The following PRELID2 variants were observed in gnomAD, a reference collection of about 807,000 sequenced individuals.
PRELID2 encodes the protein PRELI domain-containing protein 2.
A neutral mutation model predicts 28.4 loss-of-function variants in PRELID2; 25 were observed. That is an observed-to-expected ratio of 0.88 (90% CI 0.64 to 1.23). The LOEUF (loss-of-function observed/expected upper bound fraction) is 1.23, where lower values mean the gene tolerates loss of function less well. Among genes scored for constraint, PRELID2 ranks in the 50% most tolerant of loss-of-function variants. The pLI, the probability that PRELID2 is intolerant of heterozygous loss-of-function variation, is 0.00. For synonymous variants in PRELID2, 76 were observed against 71.6 expected, an observed-to-expected ratio of 1.06 and a Z score of -0.31; for missense variants, 201 against 214.4, an observed-to-expected ratio of 0.94 and a Z score of 0.39.
downstream of PRELID2, among the ~76,000 whole-genome samples, chr5:145,754,003 C>T (rs1328214003): frequency 6.6e-6 from 1 of 152,138 alleles, no homozygotes; most frequent in African/African-American, 2.4e-5. Flanking sequence ...CAGCATGCTA[C>T]CCTCCTGCCC....
intron 1 of PRELID2, among the ~76,000 whole-genome samples, chr5:145,677,152 GTTTTTTTTTTT>G (rs756255750): frequency 8.1e-6 from 1 of 124,046 alleles, no homozygotes; most frequent in Admixed American, 8.1e-5. Context: ...TTTGGTTTTG[GTTTTTTTTTTT>G]TTTTTTTTTG....
chr5:145,705,422 G>A (rs543084652), intron 1 of PRELID2, among the ~76,000 whole-genome samples: 7 of 151,674 alleles, frequency 4.6e-5, no homozygotes, highest in Admixed American at 1.3e-4. Context: ...CAGGCTGGTC[G>A]TGAACTCCTG....
the PRELID2 span, among the ~76,000 whole-genome samples, chr5:145,413,438 T>A: frequency 6.6e-6 from 1 of 152,204 alleles, no homozygotes. Flanking sequence ...CTTGAAGAAC[T>A]AAAAGTAGAA....
chr5:145,605,950 AT>A (rs911882369), intron 1 of PRELID2, among the ~76,000 whole-genome samples: 1 of 151,772 alleles, frequency 6.6e-6, no homozygotes, highest in Non-Finnish European at 1.5e-5. Flanking sequence ...ATTTCAGCAG[AT>A]TTTTTTAATT....
the PRELID2 span, among the ~76,000 whole-genome samples, chr5:145,347,423 T>C: frequency 1.3e-5 from 2 of 152,156 alleles, no homozygotes; most frequent in Non-Finnish European, 2.9e-5. Context: ...TTATATGGCC[T>C]TTTAGAGACC....
intron 1 of PRELID2, among the ~76,000 whole-genome samples, chr5:145,669,713 C>G (rs767686479): frequency 6.6e-6 from 1 of 152,166 alleles, no homozygotes; most frequent in Non-Finnish European, 1.5e-5. Context: ...CCTATCTCTC[C>G]AGTAGCCTCT....
At chr5:145,288,547 A>C in the PRELID2 span, among the ~76,000 whole-genome samples, 1 of 152,108 alleles carries the variant, frequency 6.6e-6, no homozygotes, top group African/African-American at 2.4e-5. Context: ...AAAGAGCCCT[A>C]AGTCATTTTA....
At chr5:145,265,099 C>T in the PRELID2 span, among the ~76,000 whole-genome samples, 2 of 150,904 alleles carry the variant, frequency 1.3e-5, no homozygotes, top group Non-Finnish European at 2.9e-5. Flanking sequence ...TAAATTAACT[C>T]AGCAAAATTT....
intron 1 of PRELID2, among the ~76,000 whole-genome samples, chr5:145,522,416 C>CGAGAGAGA: frequency 6.7e-6 from 1 of 149,804 alleles, no homozygotes; most frequent in Middle Eastern, 3.4e-3. Flanking sequence ...CACACACACA[C>CGAGAGAGA]GAGAGAGAGA....
rs1204065127 is a variant in PRELID2, at chr5:145,757,298, T to C, written c.*3238A>G. On this transcript the variant is annotated 3_prime_UTR_variant, in exon 7 of 7. Coordinates refer to ENST00000683046, the MANE Select transcript of PRELID2 (RefSeq NM_205846.3). ...TCCTGGTAAAAGCACCTCAGTCATA[T>C]AGGGATAGTTCAAGTCAGCTTCTCT... Among the ~76,000 whole-genome samples, 1 of 152,186 alleles carries C rather than the reference T, an allele frequency of 6.6e-6. No homozygotes were observed. The highest frequency in any genetic ancestry group is 1.9e-4 in the East Asian group (1 of 5,194).
At chr5:145,335,700 G>A in the PRELID2 span, among the ~76,000 whole-genome samples, 1 of 152,208 alleles carries the variant, frequency 6.6e-6, no homozygotes, top group Non-Finnish European at 1.5e-5. Flanking sequence ...AGCAAAAGCA[G>A]TTCTAAGAGG....
At chr5:145,530,101 G>T (rs1311454459) in intron 1 of PRELID2, among the ~76,000 whole-genome samples, 1 of 152,040 alleles carries the variant, frequency 6.6e-6, no homozygotes, top group African/African-American at 2.4e-5. Context: ...TGTTTTTCAG[G>T]TGAGAAAGCC....
At chr5:145,487,042 G>A (rs1752223984) in intron 1 of PRELID2, among the ~76,000 whole-genome samples, 1 of 140,954 alleles carries the variant, frequency 7.1e-6, no homozygotes, top group African/African-American at 2.6e-5. Context: ...ATTGAACAAT[G>A]AGATCACATG....
At chr5:145,419,830 C>T in the PRELID2 span, among the ~76,000 whole-genome samples, 41 of 151,964 alleles carry the variant, frequency 2.7e-4, no homozygotes, top group South Asian at 3.5e-3. Context: ...AATGGTAATG[C>T]CTAGGTTTTC....
chr5:145,379,101 C>G, the PRELID2 span, among the ~76,000 whole-genome samples: 1 of 152,140 alleles, frequency 6.6e-6, no homozygotes, highest in Admixed American at 6.5e-5. Context: ...AATGCACAGC[C>G]CCCAACTCCT....
chr5:145,304,961 A>G, the PRELID2 span, among the ~76,000 whole-genome samples: 11 of 152,220 alleles, frequency 7.2e-5, no homozygotes, highest in Non-Finnish European at 1.3e-4. Context: ...TAAATGAGTA[A>G]GAAAGTACTA....
intron 1 of PRELID2, among the ~76,000 whole-genome samples, chr5:145,500,493 A>G (rs1752350370): frequency 6.6e-6 from 1 of 152,078 alleles, no homozygotes; most frequent in South Asian, 2.1e-4. Context: ...GGACTAATAC[A>G]TTGTCTCAGG....
At chr5:145,350,016 A>T in the PRELID2 span, among the ~76,000 whole-genome samples, 1 of 152,176 alleles carries the variant, frequency 6.6e-6, no homozygotes, top group African/African-American at 2.4e-5. Flanking sequence ...CATGCCATAA[A>T]ATAAATAGTG....
rs539995304 is a variant in PRELID2, at chr5:145,592,586, C to A, written n.71-119271G>T. On this transcript the variant is annotated intron_variant and non_coding_transcript_variant, in intron 1 of 2. Transcript: ENST00000510259. ...TACTCTACATCTAAAAAAGAGGAAA[C>A]AAATGTATTTACATCATTGCTTATA... Among the ~76,000 whole-genome samples the A allele has an allele frequency of 2.8e-4, 43 of 151,940 alleles. 1 individual carries two copies. Among genetic ancestry groups the A allele is most frequent in the Admixed American group, 2.6e-3 (39 of 15,274 alleles).
Sources: gnomAD v4.1 joint callset for allele counts (sites outside exome capture counted in the v4.1 genomes callset) on GRCh38, gnomAD v4.1.1 for gene constraint, MANE v1.5 for transcripts, NCBI Gene and HGNC (gene_info 2026-07-23, HGNC 2026-07-21) for gene names.